NAALADL2: variants seen among roughly 807,000 people sequenced by gnomAD.
NAALADL2 encodes N-acetylated alpha-linked acidic dipeptidase like 2, also known as inactive N-acetylated-alpha-linked acidic dipeptidase-like protein 2.
A neutral mutation model predicts 87.2 loss-of-function variants in NAALADL2; 76 were observed. That is an observed-to-expected ratio of 0.87 (90% CI 0.72 to 1.05). NAALADL2 has a LOEUF of 1.05. Among genes scored for constraint, NAALADL2 ranks in the 50% least tolerant of loss-of-function variants. The pLI is 0.00. For synonymous variants in NAALADL2, 354 were observed against 331.0 expected, an observed-to-expected ratio of 1.07 and a Z score of -0.75; for missense variants, 1,089 against 945.8, an observed-to-expected ratio of 1.15 and a Z score of -1.99.
At chr3:174,947,379 T>A (rs1055519275) in intron 1 of NAALADL2, among the ~76,000 whole-genome samples, 3 of 152,198 alleles carry the variant, frequency 2.0e-5, no homozygotes, top group Non-Finnish European at 4.4e-5. Flanking sequence ...TGAAGATTGC[T>A]GTTTTATGGT....
chr3:175,700,984 A>G (rs185140043), intron 11 of NAALADL2, among the ~76,000 whole-genome samples: 1 of 152,142 alleles, frequency 6.6e-6, no homozygotes, highest in East Asian at 1.9e-4. Flanking sequence ...TATGGAGATA[A>G]ATGAAATGGT....
intron 2 of NAALADL2, among the ~76,000 whole-genome samples, chr3:175,183,722 T>C (rs1304153322): frequency 6.6e-6 from 1 of 152,078 alleles, no homozygotes; most frequent in Non-Finnish European, 1.5e-5. Context: ...TGCTGTAGAA[T>C]TCAGTTTGTT....
At chr3:174,588,184 G>A (rs112439903) in intron 2 of NAALADL2, among the ~76,000 whole-genome samples, 74 of 152,122 alleles carry the variant, frequency 4.9e-4, no homozygotes, top group African/African-American at 1.5e-3. Context: ...GCTTATGCAT[G>A]CGTCACGTAG....
intron 1 of NAALADL2, among the ~76,000 whole-genome samples, chr3:174,919,950 A>C (rs1290572544): frequency 6.6e-6 from 1 of 152,158 alleles, no homozygotes; most frequent in African/African-American, 2.4e-5. Context: ...ATGCATCGTC[A>C]ATGAGCAGTG....
intron 11 of NAALADL2, among the ~76,000 whole-genome samples, chr3:175,670,469 A>T (rs1448600530): frequency 7.3e-6 from 1 of 136,958 alleles, no homozygotes; most frequent in African/African-American, 3.1e-5. Flanking sequence ...TAATATATTT[A>T]TATTAAATTT....
At chr3:175,795,784 GA>G (rs1293128726) in intron 13 of NAALADL2, among the ~76,000 whole-genome samples, 6 of 151,980 alleles carry the variant, frequency 3.9e-5, no homozygotes, top group African/African-American at 1.4e-4. Flanking sequence ...TTGCCTCATT[GA>G]AAATCACCTC....
intron 2 of NAALADL2, among the ~76,000 whole-genome samples, chr3:175,167,317 A>C (rs1029690057): frequency 6.6e-6 from 1 of 152,128 alleles, no homozygotes; most frequent in Non-Finnish European, 1.5e-5. Flanking sequence ...GAGCTCTCTC[A>C]ATACAAATAT....
chr3:174,554,492 C>A (rs1712512138), intron 2 of NAALADL2, among the ~76,000 whole-genome samples: 1 of 151,494 alleles, frequency 6.6e-6, no homozygotes, highest in Non-Finnish European at 1.5e-5. Context: ...TTTCTCCTTC[C>A]TTTTCTCCCC....
chr3:174,682,047 G>T (rs1397442424), intron 2 of NAALADL2, among the ~76,000 whole-genome samples: 1 of 152,032 alleles, frequency 6.6e-6, no homozygotes, highest in African/African-American at 2.4e-5. Flanking sequence ...TGGGGAGAGT[G>T]CTTGTACAAC....
intron 1 of NAALADL2, among the ~76,000 whole-genome samples, chr3:174,530,759 C>T (rs1297389283): frequency 6.6e-6 from 1 of 152,148 alleles, no homozygotes; most frequent in Non-Finnish European, 1.5e-5. Flanking sequence ...CCCACCGGGT[C>T]CCTCCCACAA....
intron 12 of NAALADL2, among the ~76,000 whole-genome samples, chr3:175,737,727 T>TG (rs1396618835): frequency 2.8e-5 from 4 of 141,190 alleles, no homozygotes; most frequent in Admixed American, 7.1e-5. Flanking sequence ...TTTTTTTTTT[T>TG]TTTTTTTTTT....
intron 2 of NAALADL2, among the ~76,000 whole-genome samples, chr3:175,176,412 G>T (rs1035408234): frequency 6.6e-6 from 1 of 152,026 alleles, no homozygotes; most frequent in Admixed American, 6.6e-5. Flanking sequence ...TAGTAGGTTT[G>T]CATTTAAATC....
intron 2 of NAALADL2, among the ~76,000 whole-genome samples, chr3:174,610,608 A>G (rs1239294438): frequency 1.3e-5 from 2 of 152,134 alleles, no homozygotes; most frequent in Admixed American, 1.3e-4. Context: ...AATCAAAACC[A>G]CAATGAGATA....
chr3:175,258,903 T>A (rs2862003), intron 4 of NAALADL2, among the ~76,000 whole-genome samples: 41 of 152,164 alleles, frequency 2.7e-4, no homozygotes, highest in African/African-American at 9.9e-4. Flanking sequence ...AAAATAAATA[T>A]GCATGCGTTT....
intron 2 of NAALADL2, among the ~76,000 whole-genome samples, chr3:174,604,321 C>A (rs1560085393): frequency 6.6e-6 from 1 of 151,908 alleles, no homozygotes; most frequent in African/African-American, 2.4e-5. Context: ...ATATAGTGAC[C>A]TTCTTTGTCT....
At chr3:174,844,986 G>A (rs1360035794) in intron 3 of NAALADL2, among the ~76,000 whole-genome samples, 1 of 151,774 alleles carries the variant, frequency 6.6e-6, no homozygotes, top group East Asian at 1.9e-4. Context: ...CGGGCCAGGG[G>A]GAGTGGGGCT....
chr3:174,946,532 C>T (rs1002140822), intron 1 of NAALADL2, among the ~76,000 whole-genome samples: 4 of 152,152 alleles, frequency 2.6e-5, no homozygotes, highest in African/African-American at 7.2e-5. Flanking sequence ...CTTTTAAAGT[C>T]ACTTAGAACA....
intron 5 of NAALADL2, among the ~76,000 whole-genome samples, chr3:175,437,262 C>A (rs1255800232): frequency 6.8e-6 from 1 of 147,134 alleles, no homozygotes; most frequent in African/African-American, 2.5e-5. Context: ...TCTCAGGATA[C>A]AAAATCAATG....
intron 2 of NAALADL2, among the ~76,000 whole-genome samples, chr3:175,134,768 C>G (rs1243298393): frequency 1.3e-5 from 2 of 152,170 alleles, no homozygotes; most frequent in Non-Finnish European, 2.9e-5. Flanking sequence ...CTTAAACATT[C>G]TCCCACCACT....
Sources: allele counts gnomAD v4.1 joint callset (sites outside exome capture counted in the v4.1 genomes callset), GRCh38; gene constraint gnomAD v4.1.1; transcripts MANE v1.5; gene names NCBI Gene and HGNC (gene_info 2026-07-23, HGNC 2026-07-21).